The following BIRC6 variants were observed in gnomAD, a reference collection of about 807,000 sequenced individuals.
BIRC6 encodes the protein dual E2 ubiquitin-conjugating enzyme/E3 ubiquitin-protein ligase BIRC6.
A neutral mutation model predicts 503.3 loss-of-function variants in BIRC6; 98 were observed. The ratio of observed to expected loss-of-function variants is 0.19; its 90% CI spans 0.17 to 0.23. The LOEUF (loss-of-function observed/expected upper bound fraction) is 0.23, where lower values mean the gene tolerates loss of function less well. BIRC6 is among the 10% of genes least tolerant of loss of function. The probability of loss-of-function intolerance (pLI) is 1.00; values close to 1 mark genes in which losing one functional copy is unlikely to be tolerated. For missense variants in BIRC6, 5,360 were observed against 5,806.0 expected, an observed-to-expected ratio of 0.92 and a Z score of 2.50; for synonymous variants, 2,240 against 2,078.7, an observed-to-expected ratio of 1.08 and a Z score of -2.11.
chr2:32,454,009 A>G (rs2046980058), intron 23 of BIRC6, 67 bp downstream of exon 23: 3 of 1,240,584 alleles, frequency 2.4e-6, no homozygotes, highest in African/African-American at 3.2e-5. Flanking sequence ...ATATTTATAT[A>G]TTTAAACATT....
At chr2:32,453,467 TTTTTTCACCCCATTTGAGATTGAAA>T (rs575590711) in intron 22 of BIRC6, among the ~76,000 whole-genome samples, 10 of 152,278 alleles carry the variant, frequency 6.6e-5, no homozygotes, top group Admixed American at 2.0e-4. Flanking sequence ...GATTTACTAC[TTTTTTCACCCCATTTGAGATTGAAA>T]TTTTTCACCC....
chr2:32,411,114 C>T (rs1252414540), intron 9 of BIRC6, among the ~76,000 whole-genome samples: 3 of 151,626 alleles, frequency 2.0e-5, no homozygotes, highest in Admixed American at 6.6e-5. Flanking sequence ...TCTTGGCTCA[C>T]TGCAACCTCT....
chr2:32,433,497 C>T (rs2044364298), intron 12 of BIRC6, 147 bp from the exon 13 acceptor site: 5 of 555,094 alleles, frequency 9.0e-6, no homozygotes, highest in Non-Finnish European at 1.5e-5. Flanking sequence ...CCATTGGGAG[C>T]TATTTTCTCT....
At chr2:32,395,040 C>T (rs1361807462) in intron 5 of BIRC6, among the ~76,000 whole-genome samples, 2 of 151,956 alleles carry the variant, frequency 1.3e-5, no homozygotes, top group Non-Finnish European at 2.9e-5. Flanking sequence ...TAGTCCCAGC[C>T]ACTCGGGAGG....
At chr2:32,532,954 A>G (rs897970859) in intron 61 of BIRC6, among the ~76,000 whole-genome samples, 1 of 152,188 alleles carries the variant, frequency 6.6e-6, no homozygotes, top group African/African-American at 2.4e-5. Context: ...TTGGCAGAGT[A>G]TGGAATAATT....
intron 38 of BIRC6, among the ~76,000 whole-genome samples, chr2:32,481,861 T>A (rs762021): frequency 1 from 152,388 of 152,390 alleles, 76,193 homozygotes; most frequent in Middle Eastern, 1. Context: ...ATACATACAT[T>A]ACCACTAATG....
At chr2:32,484,331 C>G (rs2050747221) in intron 39 of BIRC6, among the ~76,000 whole-genome samples, 1 of 152,038 alleles carries the variant, frequency 6.6e-6, no homozygotes, top group Admixed American at 6.6e-5. Context: ...GCAGGTGGAT[C>G]ACCTGAGGTC....
At chr2:32,505,935 C>G (rs559679428) in intron 50 of BIRC6, among the ~76,000 whole-genome samples, 14 of 151,878 alleles carry the variant, frequency 9.2e-5, no homozygotes, top group Non-Finnish European at 2.1e-4. Context: ...TAGCCTTGAC[C>G]CCTGAGGCTC....
intron 5 of BIRC6, among the ~76,000 whole-genome samples, chr2:32,394,424 C>T (rs2039613899): frequency 6.6e-6 from 1 of 151,864 alleles, no homozygotes; most frequent in Admixed American, 6.6e-5. Context: ...ATATATATAG[C>T]ATTTTGTCCT....
intron 65 of BIRC6, among the ~76,000 whole-genome samples, chr2:32,551,224 A>G (rs949679469): frequency 2.7e-5 from 4 of 150,644 alleles, no homozygotes; most frequent in Non-Finnish European, 5.9e-5. Flanking sequence ...ATAAATATAA[A>G]TATATAAATA....
chr2:32,451,373 G>T (rs1312122329), intron 22 of BIRC6, among the ~76,000 whole-genome samples: 1 of 151,994 alleles, frequency 6.6e-6, no homozygotes, highest in Non-Finnish European at 1.5e-5. Flanking sequence ...ATCATTAAGG[G>T]GATCTATATG....
At chr2:32,379,322 A>G (rs1333407198) in intron 2 of BIRC6, 1 of 152,226 alleles carries the variant, frequency 6.6e-6, no homozygotes, top group Non-Finnish European at 1.5e-5. Context: ...AAACCAGCTG[A>G]TATCAGGATA....
At chr2:32,368,392 T>C (rs571781246) in intron 1 of BIRC6, among the ~76,000 whole-genome samples, 11 of 151,900 alleles carry the variant, frequency 7.2e-5, no homozygotes, top group African/African-American at 2.7e-4. Context: ...TAGAAAAAAT[T>C]AGCCAGGCGT....
rs758866614 is a variant in BIRC6 at position 32,415,565 on chromosome 2, T to C, written c.2274T>C (p.Ser758=). The change falls in exon 10 of 74, where the codon AGT becomes AGC. Residue 758 remains serine, a synonymous_variant. Transcript: ENST00000421745. ...GLRTCPVESL[S]AINQVEALNN... The stretch of plus-strand genomic sequence containing the variant: ...GGACATGCCCTGTTGAATCCTTGAG[T>C]GCAATAAATCAAGTAGAGGCCTTGA... 9 of 1,613,782 alleles carry C rather than the reference T, an allele frequency of 5.6e-6. No individual in the cohort carries two copies. The highest frequency in any genetic ancestry group is 7.6e-6 in the Non-Finnish European group (9 of 1,179,874).
chr2:32,593,466 T>G (rs2061502094), intron 66 of BIRC6, among the ~76,000 whole-genome samples: 1 of 152,164 alleles, frequency 6.6e-6, no homozygotes, highest in Non-Finnish European at 1.5e-5. Context: ...AAACACATTG[T>G]ATTAAGACAC....
chr2:32,452,760 A>C (rs1025442138), intron 22 of BIRC6, among the ~76,000 whole-genome samples: 1 of 152,126 alleles, frequency 6.6e-6, no homozygotes, highest in African/African-American at 2.4e-5. Flanking sequence ...CAGCTTAAAA[A>C]AAAGTTGCGT....
intron 10 of BIRC6, among the ~76,000 whole-genome samples, 198 bp downstream of exon 10, chr2:32,416,361 A>G (rs998343606): frequency 6.6e-6 from 1 of 152,084 alleles, no homozygotes; most frequent in African/African-American, 2.4e-5. Flanking sequence ...CTAACTGTAA[A>G]TAAGTTAGTA....
At chr2:32,404,598 G>A (rs2040985300) in intron 8 of BIRC6, among the ~76,000 whole-genome samples, 1 of 152,082 alleles carries the variant, frequency 6.6e-6, no homozygotes, top group Non-Finnish European at 1.5e-5. Context: ...ATAGGTGTGA[G>A]CCACTGCATC....
rs1009448866 is a variant in BIRC6 at position 32,377,575 on chromosome 2, G to C, written c.326-13G>C. The C allele has an allele frequency of 1.6e-5, 26 of 1,581,534 alleles. No individual in the cohort carries two copies. The highest frequency in any genetic ancestry group is 2.2e-5 in the Non-Finnish European group (26 of 1,165,196). On this transcript the variant is annotated splice_polypyrimidine_tract_variant and intron_variant, in intron 1 of 73. Coordinates refer to ENST00000421745, the MANE Select transcript of BIRC6 (RefSeq NM_016252.4). ...TGAAAATCTTAAGTGTTGAATTTTT[G>C]TTCTTTTAACAGCTAAACCAGGTGG...
Sources: gnomAD v4.1 joint callset for allele counts (sites outside exome capture counted in the v4.1 genomes callset) on GRCh38, gnomAD v4.1.1 for gene constraint, MANE v1.5 for transcripts, NCBI Gene and HGNC (gene_info 2026-07-23, HGNC 2026-07-21) for gene names.